SLC2A9: variants seen among roughly 807,000 people sequenced by gnomAD.
SLC2A9 encodes solute carrier family 2, facilitated glucose transporter member 9.
A neutral mutation model predicts 50.6 loss-of-function variants in SLC2A9; 39 were observed. The observed-to-expected ratio is 0.77, with a 90% CI of 0.60 to 1.01. The LOEUF is 1.01. Ranked by LOEUF, SLC2A9 falls within the 50% of genes least tolerant of loss-of-function variation. The probability of loss-of-function intolerance (pLI) is 0.00; values close to 1 mark genes in which losing one functional copy is unlikely to be tolerated. For missense variants in SLC2A9, 686 were observed against 677.6 expected (o/e 1.01, Z -0.14); for synonymous variants, 324 against 276.9 (o/e 1.17, Z -1.69).
At chr4:9,927,273 TC>T (rs1427918997) in intron 6 of SLC2A9, among the ~76,000 whole-genome samples, 2 of 152,238 alleles carry the variant, frequency 1.3e-5, no homozygotes, top group Non-Finnish European at 2.9e-5. Flanking sequence ...CGCGTTGGCC[TC>T]CCAAAGTGCT....
At chr4:9,801,694 C>T (rs922047975) in intron 3 of SLC2A9, among the ~76,000 whole-genome samples, 2 of 152,140 alleles carry the variant, frequency 1.3e-5, no homozygotes, top group Non-Finnish European at 2.9e-5. Flanking sequence ...AGATGAAAAG[C>T]CATCAGGGTG....
At chr4:10,017,050 C>G (rs1762725106) in intron 2 of SLC2A9, among the ~76,000 whole-genome samples, 1 of 152,216 alleles carries the variant, frequency 6.6e-6, no homozygotes, top group Non-Finnish European at 1.5e-5. Context: ...CCCCACCTCC[C>G]TTTGACACCT....
At chr4:9,810,059 G>A (rs757884284) in intron 3 of SLC2A9, among the ~76,000 whole-genome samples, 49 of 152,042 alleles carry the variant, frequency 3.2e-4, no homozygotes, top group Non-Finnish European at 6.5e-4. Context: ...ACATCACCAT[G>A]TTCTAATTGT....
intron 5 of SLC2A9, among the ~76,000 whole-genome samples, chr4:9,970,140 C>A (rs1035038630): frequency 6.6e-6 from 1 of 152,130 alleles, no homozygotes; most frequent in Non-Finnish European, 1.5e-5. Context: ...GCTAGGGAAC[C>A]TGATAATATA....
chr4:10,007,368 T>A (rs1424090294), intron 2 of SLC2A9, among the ~76,000 whole-genome samples: 1 of 152,226 alleles, frequency 6.6e-6, no homozygotes, highest in Non-Finnish European at 1.5e-5. Flanking sequence ...TGAGACTATT[T>A]TGTTCCCACA....
chr4:9,903,599 G>T (rs937330349), intron 8 of SLC2A9, among the ~76,000 whole-genome samples: 2 of 152,038 alleles, frequency 1.3e-5, no homozygotes, highest in African/African-American at 4.8e-5. Flanking sequence ...AATGAGCAAA[G>T]ATGTCTTTCC....
At position 9,826,583 on chromosome 4, in the gene SLC2A9, G is replaced by T. The variant is rs1470867688; in HGVS notation, c.1437C>A (p.Tyr479Ter). 1 of 1,613,924 alleles carries T rather than the reference G, an allele frequency of 6.2e-7. No individual in the cohort carries two copies. Among genetic ancestry groups the T allele is most frequent in the Admixed American group, 1.7e-5 (1 of 59,992 alleles). The change falls in exon 12 of 12, where the codon TAC becomes TAA. Residue 479 changes from tyrosine to a stop codon, truncating the protein, a stop_gained. Transcript: ENST00000264784. LOFTEE classifies it low-confidence loss of function (END_TRUNC). ...AAATTGTAGCAAAGACTAGGAAACAGTAGGTGTCCAGACTTTTCTGTGGAA... is the reference window on the plus strand; with the variant it reads ...AAATTGTAGCAAAGACTAGGAAACATTAGGTGTCCAGACTTTTCTGTGGAA... ...FPFIQKSLDT[Y>*]CFLVFATICI...
At chr4:9,987,132 AT>A (rs946619206) in intron 3 of SLC2A9, among the ~76,000 whole-genome samples, 10 of 152,052 alleles carry the variant, frequency 6.6e-5, no homozygotes, top group African/African-American at 2.4e-4. Context: ...TTTAATTTTT[AT>A]TTTTGAGACA....
rs368171065 is a variant in SLC2A9, at chr4:10,001,907, T to C, written c.250-4966A>G. 1.5e-3 allele frequency among the ~76,000 whole-genome samples: 227 copies of C among 152,292 alleles called. 3 individuals are homozygous for C. The Middle Eastern group carries it at 0.017, about 11-fold the overall frequency. ...GACACATAACTACAGAAGCCAAACA[T>C]GCCAGACACCCGCTCTCCCAGCATC... On this transcript the variant is annotated intron_variant, in intron 2 of 11. Coordinates refer to ENST00000264784, the MANE Select transcript of SLC2A9 (RefSeq NM_020041.3).
chr4:10,016,959 G>A (rs1762713861), intron 2 of SLC2A9, among the ~76,000 whole-genome samples: 1 of 151,760 alleles, frequency 6.6e-6, no homozygotes, highest in Non-Finnish European at 1.5e-5. Context: ...TTCCCCCTAG[G>A]TACTGGCACA....
At chr4:9,936,343 C>T (rs775232594) in intron 6 of SLC2A9, among the ~76,000 whole-genome samples, 11 of 152,274 alleles carry the variant, frequency 7.2e-5, no homozygotes, top group South Asian at 2.1e-4. Flanking sequence ...TTTGAGATAA[C>T]GGGCAGCTTT....
intron 1 of SLC2A9, among the ~76,000 whole-genome samples, chr4:9,772,842 C>A (rs368654045): frequency 5.3e-4 from 78 of 147,142 alleles, no homozygotes; most frequent in African/African-American, 1.9e-3. Flanking sequence ...TTTTATTATA[C>A]TCTAAGTTTT....
chr4:9,772,390 T>C (rs1228163328), intron 1 of SLC2A9, among the ~76,000 whole-genome samples: 1 of 152,268 alleles, frequency 6.6e-6, no homozygotes, highest in African/African-American at 2.4e-5. Flanking sequence ...GCGACTTCCC[T>C]GTGGACAGGA....
At chr4:9,880,495 A>G in intron 10 of SLC2A9, 6 of 985,396 alleles carry the variant, frequency 6.1e-6, no homozygotes, top group Non-Finnish European at 7.2e-6. Flanking sequence ...ACAGTTGCAA[A>G]CACTTGGAAC....
At chr4:9,821,164 C>T (rs900033086) in intron 3 of SLC2A9, among the ~76,000 whole-genome samples, 4 of 152,116 alleles carry the variant, frequency 2.6e-5, no homozygotes, top group African/African-American at 7.2e-5. Context: ...TCAAATGTTT[C>T]CCCTGTATCT....
intron 5 of SLC2A9, among the ~76,000 whole-genome samples, chr4:9,980,044 T>C (rs1458477358): frequency 6.6e-6 from 1 of 151,394 alleles, no homozygotes; most frequent in Non-Finnish European, 1.5e-5. Flanking sequence ...GTTTCTTTTC[T>C]CCCTGCTAAG....
chr4:9,801,129 A>G (rs575045714), intron 3 of SLC2A9, among the ~76,000 whole-genome samples: 16 of 137,776 alleles, frequency 1.2e-4, no homozygotes, highest in Non-Finnish European at 2.3e-4. Flanking sequence ...TGTCAGGAGG[A>G]AAAAAAAAAA....
At chr4:9,913,347 G>GAGAC (rs1360177437) in intron 7 of SLC2A9, among the ~76,000 whole-genome samples, 3 of 150,256 alleles carry the variant, frequency 2.0e-5, no homozygotes, top group East Asian at 3.9e-4. Context: ...GAGAGAGAGA[G>GAGAC]AGAGAGAGAC....
chr4:9,860,906 C>T (rs1484898679), intron 10 of SLC2A9, among the ~76,000 whole-genome samples: 2 of 152,190 alleles, frequency 1.3e-5, no homozygotes, highest in African/African-American at 4.8e-5. Context: ...ATTGCTCATG[C>T]GCAGATGTGT....
Sources: gnomAD v4.1 joint callset for allele counts (sites outside exome capture counted in the v4.1 genomes callset) on GRCh38, gnomAD v4.1.1 for gene constraint, MANE v1.5 for transcripts, NCBI Gene and HGNC (gene_info 2026-07-23, HGNC 2026-07-21) for gene names.